The following ATP13A4 variants were observed in gnomAD, a reference collection of about 807,000 sequenced individuals.
The protein encoded by ATP13A4 is ATPase 13A4, also known as probable cation-transporting ATPase 13A4.
A neutral mutation model predicts 142.5 loss-of-function variants in ATP13A4; 114 were observed. That is an observed-to-expected ratio of 0.80 (90% CI 0.69 to 0.93). The LOEUF (loss-of-function observed/expected upper bound fraction) is 0.93. Among genes scored for constraint, ATP13A4 ranks in the 40% least tolerant of loss-of-function variants. The pLI, the probability that ATP13A4 is intolerant of heterozygous loss-of-function variation, is 0.00. For synonymous variants in ATP13A4, 488 were observed against 514.8 expected, an observed-to-expected ratio of 0.95 and a Z score of 0.70; for missense variants, 1,392 against 1,454.0, an observed-to-expected ratio of 0.96 and a Z score of 0.69.
intron 27 of ATP13A4, among the ~76,000 whole-genome samples, 189 bp downstream of exon 27, chr3:193,411,989 T>C (rs539914206): frequency 6.6e-6 from 1 of 152,296 alleles, no homozygotes; most frequent in South Asian, 2.1e-4. Context: ...TAGTATTTAA[T>C]GTAGCTTTGA....
chr3:193,404,274 C>G (rs79404355), intron 29 of ATP13A4: 4,188 of 415,648 alleles, frequency 0.01, 158 homozygotes, highest in African/African-American at 0.079. Flanking sequence ...CACACACACA[C>G]AGAGAGAGAA....
intron 2 of ATP13A4, among the ~76,000 whole-genome samples, chr3:193,573,956 T>C (rs575326149): frequency 9.9e-5 from 15 of 152,252 alleles, no homozygotes; most frequent in Non-Finnish European, 1.6e-4. Flanking sequence ...TGAATGCACA[T>C]AGAAAGGCCT....
chr3:193,475,386 C>T (rs141465248), intron 8 of ATP13A4, among the ~76,000 whole-genome samples: 1 of 151,996 alleles, frequency 6.6e-6, no homozygotes, highest in African/African-American at 2.4e-5. Flanking sequence ...AAAATATACG[C>T]AGCAGGAAAT....
chr3:193,540,566 T>G (rs1342968971), intron 1 of ATP13A4, among the ~76,000 whole-genome samples: 1 of 144,354 alleles, frequency 6.9e-6, no homozygotes, highest in Non-Finnish European at 1.5e-5. Context: ...CCTTCTAGCT[T>G]ATACAAAACA....
chr3:193,486,455 A>T (rs1719624482), intron 7 of ATP13A4, among the ~76,000 whole-genome samples: 1 of 152,214 alleles, frequency 6.6e-6, no homozygotes, highest in African/African-American at 2.4e-5. Flanking sequence ...GATATTTAGG[A>T]AATAAAAATC....
chr3:193,404,655 C>T (rs896231061), intron 29 of ATP13A4, among the ~76,000 whole-genome samples: 1 of 152,146 alleles, frequency 6.6e-6, no homozygotes, highest in Non-Finnish European at 1.5e-5. Context: ...GTAAGACCTG[C>T]CTGCTTCCCC....
At chr3:193,455,340 C>CAAAAAA (rs71179306) in intron 16 of ATP13A4, among the ~76,000 whole-genome samples, 2 of 75,604 alleles carry the variant, frequency 2.6e-5, no homozygotes, top group Admixed American at 1.5e-4. Context: ...GACTCCGTCT[C>CAAAAAA]AAAAAAAAAA....
chr3:193,434,408 T>C (rs1284613337), intron 24 of ATP13A4, among the ~76,000 whole-genome samples: 3 of 152,210 alleles, frequency 2.0e-5, no homozygotes, highest in Non-Finnish European at 4.4e-5. Flanking sequence ...AACATCTTAA[T>C]AGTCTAGAGG....
chr3:193,441,380 C>T (rs1246120141), intron 20 of ATP13A4, 86 bp downstream of exon 20: 2 of 1,542,956 alleles, frequency 1.3e-6, no homozygotes, highest in African/African-American at 1.4e-5. Flanking sequence ...TTACCTGTCT[C>T]AAGATTTGAA....
At chr3:193,488,097 C>T (rs904562559) in intron 7 of ATP13A4, among the ~76,000 whole-genome samples, 3 of 152,058 alleles carry the variant, frequency 2.0e-5, no homozygotes, top group Non-Finnish European at 2.9e-5. Flanking sequence ...AACACCGTCT[C>T]GACTAAAAAT....
chr3:193,420,532 G>C (rs1200248537), intron 25 of ATP13A4, among the ~76,000 whole-genome samples: 5 of 149,762 alleles, frequency 3.3e-5, no homozygotes, highest in Non-Finnish European at 1.5e-5. Flanking sequence ...GAAAAGGAAA[G>C]TTATGAATTT....
At chr3:193,567,880 G>A (rs1041550141) in intron 2 of ATP13A4, among the ~76,000 whole-genome samples, 5 of 152,122 alleles carry the variant, frequency 3.3e-5, no homozygotes, top group Non-Finnish European at 7.3e-5. Context: ...CTTCTGACCC[G>A]TGAGCCAGAA....
rs139694175 is a variant in ATP13A4 at position 193,465,442 on chromosome 3, C to T, written c.1273-314G>A. Among the ~76,000 whole-genome samples, 94 of 152,274 alleles carry T rather than the reference C, an allele frequency of 6.2e-4. No individual in the cohort carries two copies. In the East Asian group the frequency reaches 0.014, roughly 23 times the overall value. Reference sequence around the variant, plus strand: ...ACTTCAGGTGATCCACCTGCCTTGGCCTCCCAAAGTGCTGAGATTACAGGC... The same window carrying T: ...ACTTCAGGTGATCCACCTGCCTTGGTCTCCCAAAGTGCTGAGATTACAGGC... On this transcript the variant is annotated intron_variant, in intron 11 of 29. Transcript: ENST00000342695.
chr3:193,518,045 T>C (rs1721521018), intron 1 of ATP13A4, among the ~76,000 whole-genome samples: 1 of 152,224 alleles, frequency 6.6e-6, no homozygotes, highest in African/African-American at 2.4e-5. Context: ...AGGTATTTCT[T>C]AAAACTTTAA....
At chr3:193,429,950 T>A (rs1715878633) in intron 25 of ATP13A4, among the ~76,000 whole-genome samples, 1 of 152,076 alleles carries the variant, frequency 6.6e-6, no homozygotes, top group African/African-American at 2.4e-5. Context: ...CTCTGTTATA[T>A]CTTGAAATGT....
chr3:193,554,221 A>AG (rs924566124), intron 1 of ATP13A4: 1 of 161,096 alleles, frequency 6.2e-6, no homozygotes, highest in African/African-American at 2.4e-5. Flanking sequence ...GAAAACAGAA[A>AG]TGTGTGTAGG....
chr3:193,547,932 C>T (rs1261034268), intron 1 of ATP13A4, among the ~76,000 whole-genome samples: 1 of 152,198 alleles, frequency 6.6e-6, no homozygotes, highest in Non-Finnish European at 1.5e-5. Flanking sequence ...AAAACAGAAG[C>T]TATTTGCTAT....
intron 8 of ATP13A4, among the ~76,000 whole-genome samples, chr3:193,478,276 A>T (rs1275312923): frequency 1.3e-5 from 2 of 151,898 alleles, no homozygotes; most frequent in African/African-American, 4.8e-5. Flanking sequence ...CCAAGATCAG[A>T]GCAGAACTAA....
At chr3:193,550,813 TG>T (rs1723514722) in intron 1 of ATP13A4, among the ~76,000 whole-genome samples, 1 of 152,318 alleles carries the variant, frequency 6.6e-6, no homozygotes, top group South Asian at 2.1e-4. Flanking sequence ...AAAGTCTCAC[TG>T]GAACAAAACA....
Sources: allele counts gnomAD v4.1 joint callset (sites outside exome capture counted in the v4.1 genomes callset), GRCh38; gene constraint gnomAD v4.1.1; transcripts MANE v1.5; gene names NCBI Gene and HGNC (gene_info 2026-07-23, HGNC 2026-07-21).